RNF126: variants seen among roughly 807,000 people sequenced by gnomAD.
RNF126 encodes E3 ubiquitin-protein ligase RNF126.
In RNF126, 20 loss-of-function variants were observed where a neutral mutation model predicts 41.9. The ratio of observed to expected loss-of-function variants is 0.48; its 90% CI spans 0.34 to 0.69. RNF126 has a LOEUF of 0.69. Ranked by LOEUF, RNF126 falls within the 30% of genes least tolerant of loss-of-function variation. The probability of loss-of-function intolerance (pLI) is 0.01; values close to 1 mark genes in which losing one functional copy is unlikely to be tolerated. For synonymous variants in RNF126, 239 were observed against 202.9 expected (o/e 1.18, Z -1.51); for missense variants, 433 against 460.6 (o/e 0.94, Z 0.55).
intron 1 of RNF126, among the ~76,000 whole-genome samples, chr19:654,637 C>T (rs148540129): frequency 0.013 from 1,070 of 81,094 alleles, 19 homozygotes; most frequent in African/African-American, 0.053. Context: ...AGCAAGACTC[C>T]GTCTCAAAAA....
chr19:652,738 G>A (rs1034931531), intron 2 of RNF126, 88 bp downstream of exon 2: 1 of 1,245,454 alleles, frequency 8.0e-7, no homozygotes, highest in Non-Finnish European at 1.2e-6. Flanking sequence ...CCCACACTCG[G>A]CGGGGCGGAC....
chr19:651,749 G>T lies in RNF126; in HGVS notation c.305C>A (p.Ala102Asp), dbSNP rs760587306. ...EIPTFPPGAQ[A>D]DDGRDPESRR... ...GCTCTCAGGGTCCCTGCCGTCGTCA[G>T]CCTGCGCCCCAGGAGGGAACGTGGG... Residue 102 changes from alanine to aspartate, a missense_variant, in exon 4 of 9, where the codon GCT becomes GAT. Around this residue, in one of 5 missense-constraint regions of RNF126, gnomAD observed 247 missense variants for 224.7 expected, o/e 1.10. Coordinates refer to ENST00000292363, the MANE Select transcript of RNF126 (RefSeq NM_194460.3). The T allele has an allele frequency of 9.3e-6, 15 of 1,612,468 alleles. No homozygotes were observed. The highest frequency in any genetic ancestry group is 1.2e-5 in the Non-Finnish European group (14 of 1,179,832).
Position 652,216 on chromosome 19 carries a change from A to AG in RNF126, c.198+16dup, listed in dbSNP as rs1374121298. 3 of 1,513,524 alleles carry AG rather than the reference A, an allele frequency of 2.0e-6. No individual in the cohort carries two copies. Among genetic ancestry groups the AG allele is most frequent in the South Asian group, 2.6e-5 (2 of 76,360 alleles). 93.8% of individuals were successfully genotyped at this position (1,513,524 alleles called of 1,614,324 possible). ...AAGGCTGACACGATCGGGAAGCACG[A>AG]GGGGCGGGCGACTCACCTCCAACGG... is the stretch of plus-strand genomic sequence containing the variant. On this transcript the variant is annotated intron_variant, in intron 3 of 8. Coordinates refer to ENST00000292363, the MANE Select transcript of RNF126 (RefSeq NM_194460.3).
At chr19:653,601 A>C (rs1206319260) in intron 1 of RNF126, among the ~76,000 whole-genome samples, 5 of 152,024 alleles carry the variant, frequency 3.3e-5, no homozygotes. Flanking sequence ...CACAGGGCGG[A>C]CTCCTCATGG....
Position 652,838 on chromosome 19 carries a change from G to A in RNF126, c.122C>T (p.Pro41Leu), listed in dbSNP as rs138633729. The A allele has an allele frequency of 3.1e-4, 493 of 1,613,114 alleles. No individual in the cohort carries two copies. Among genetic ancestry groups the A allele is most frequent in the African/African-American group, 2.1e-3 (156 of 75,028 alleles). ...RCESGFIEEL[P>L]EETRSTENGS... ...GGGGCTGCATTACCTGGTCTCTTCC[G>A]GAAGCTCCTCGATAAAACCAGACTC... Residue 41 changes from proline to leucine, a missense_variant, in exon 2 of 9, where the codon CCG (proline) becomes CTG (leucine). Physicochemically the swap from Pro to Leu is moderately conservative, Grantham distance 98. Around this residue, in one of 5 missense-constraint regions of RNF126, gnomAD observed 247 missense variants for 224.7 expected, o/e 1.10. Coordinates refer to ENST00000292363, the MANE Select transcript of RNF126 (RefSeq NM_194460.3).
intron 1 of RNF126, among the ~76,000 whole-genome samples, chr19:658,458 G>A (rs567743508): frequency 8.5e-5 from 13 of 152,136 alleles, no homozygotes; most frequent in Non-Finnish European, 7.4e-5. Context: ...CCCAGGGAGA[G>A]TCATGGTGCA....
Position 648,125 on chromosome 19 carries a change from G to T in RNF126, c.*3C>A, listed in dbSNP as rs2030050971. 6.3e-7 allele frequency: 1 copy of T among 1,575,168 alleles called. No individual in the cohort carries two copies. The highest frequency in any genetic ancestry group is 1.7e-5 in the Admixed American group (1 of 57,614). On this transcript the variant is annotated 3_prime_UTR_variant, in exon 9 of 9. Transcript: ENST00000292363. ...CCGTGCTTTCCCGACGGCCGACGTG[G>T]GCTCACGAGTTGCTTGTGGCGTTCT...
Position 661,709 on chromosome 19 carries a change from G to A in RNF126, c.75+1338C>T, listed in dbSNP as rs143978135. On this transcript the variant is annotated intron_variant, in intron 1 of 8. Transcript: ENST00000292363. ...CCCCTTCCTGGGTCTCTACTCCCGG[G>A]GAACTGCACTGCTTCTGGGGGGCTT... is the stretch of plus-strand genomic sequence containing the variant. 5.9e-3 allele frequency among the ~76,000 whole-genome samples: 902 copies of A among 152,276 alleles called. 4 individuals are homozygous for A. The highest frequency in any genetic ancestry group is 0.01 in the Non-Finnish European group (689 of 68,028).
chr19:657,582 T>C (rs2030612892), intron 1 of RNF126, among the ~76,000 whole-genome samples: 1 of 152,132 alleles, frequency 6.6e-6, no homozygotes, highest in South Asian at 2.1e-4. Flanking sequence ...ACGCCCACCC[T>C]AGGGGTTTCA....
chr19:654,303 G>A (rs536844251), intron 1 of RNF126, among the ~76,000 whole-genome samples: 221 of 152,326 alleles, frequency 1.5e-3, no homozygotes, highest in Non-Finnish European at 2.4e-3. Flanking sequence ...GTGAGGCCGG[G>A]AGGCACCACA....
At position 651,864 on chromosome 19, in the gene RNF126, A is replaced by G; in HGVS notation, c.199-9T>C. The stretch of plus-strand genomic sequence containing the variant: ...AGGTGCTGGTCCACGTGCTGGGGAG[A>G]GGAGGGGGGCGTGACCTCGGGGGCT... On this transcript the variant is annotated splice_polypyrimidine_tract_variant and intron_variant, in intron 3 of 8. Transcript: ENST00000292363. 1.2e-6 allele frequency: 2 copies of G among 1,600,570 alleles called. No individual in the cohort carries two copies. Among genetic ancestry groups the G allele is most frequent in the South Asian group, 1.1e-5 (1 of 90,502 alleles).
chr19:653,859 A>G (rs1329054037), intron 1 of RNF126, among the ~76,000 whole-genome samples: 1 of 152,252 alleles, frequency 6.6e-6, no homozygotes, highest in Non-Finnish European at 1.5e-5. Context: ...AGGGGCTCAC[A>G]TGGGGGTCCC....
intron 6 of RNF126, chr19:649,476 G>A (rs2030166100): frequency 3.4e-6 from 2 of 581,920 alleles, no homozygotes; most frequent in African/African-American, 3.8e-5. Flanking sequence ...CGTGAACACA[G>A]GAGAACCCCC....
intron 1 of RNF126, among the ~76,000 whole-genome samples, chr19:658,071 C>T (rs1045883935): frequency 5.9e-4 from 90 of 152,048 alleles, no homozygotes; most frequent in Middle Eastern, 3.4e-3. Flanking sequence ...TAGCAGAAGA[C>T]GGTGAATCCA....
In RNF126 at chr19:659,501, G is replaced by C. The variant is rs1421070530; in HGVS notation, c.75+3546C>G. On this transcript the variant is annotated intron_variant, in intron 1 of 8. Coordinates refer to ENST00000292363, the MANE Select transcript of RNF126 (RefSeq NM_194460.3). The surrounding 1 kb of genome is among the most constrained non-coding windows in gnomAD (Gnocchi z 4.9). ...GGAACCACCCTAGGAACCACCCAGA[G>C]ACGGGGAGGTCAGGGGCAAGGACGG... Among the ~76,000 whole-genome samples, 2 of 152,182 alleles carry C rather than the reference G, an allele frequency of 1.3e-5. No homozygotes were observed. The highest frequency in any genetic ancestry group is 3.9e-4 in the East Asian group (2 of 5,192).
intron 2 of RNF126, 92 bp from the exon 3 acceptor site, chr19:652,388 A>G (rs2030352713): frequency 1.7e-6 from 2 of 1,171,490 alleles, no homozygotes; most frequent in Non-Finnish European, 1.2e-6. Flanking sequence ...TTGGGAGAGC[A>G]GGAATTGTCC....
At chr19:649,812 C>T in intron 5 of RNF126, 64 bp from the exon 6 acceptor site, 1 of 1,338,400 alleles carries the variant, frequency 7.5e-7, no homozygotes, top group Non-Finnish European at 1.0e-6. Flanking sequence ...TCTATCCACC[C>T]CACTCACCAG....
intron 1 of RNF126, among the ~76,000 whole-genome samples, chr19:662,227 C>G (rs1176938421): frequency 6.6e-6 from 1 of 152,226 alleles, no homozygotes; most frequent in Non-Finnish European, 1.5e-5. Context: ...GAAAAGGGGC[C>G]TGGAAATAGC....
chr19:650,583 A>AATTTT, intron 4 of RNF126: 1 of 126,912 alleles, frequency 7.9e-6, no homozygotes, highest in Non-Finnish European at 1.4e-5. Context: ...ACTCTCGGCT[A>AATTTT]CTTTTTTTTT....
Sources: allele counts gnomAD v4.1 joint callset (sites outside exome capture counted in the v4.1 genomes callset), GRCh38; gene constraint gnomAD v4.1.1; regional missense constraint gnomAD v4.1.1; non-coding constraint Gnocchi (gnomAD v3.1); transcripts MANE v1.5; gene names NCBI Gene and HGNC (gene_info 2026-07-23, HGNC 2026-07-21).